The following PSD3 variants were observed in gnomAD, a reference collection of about 807,000 sequenced individuals.
The protein encoded by PSD3 is pleckstrin and Sec7 domain containing 3.
In PSD3, 49 loss-of-function variants were observed where a neutral mutation model predicts 105.5. The observed-to-expected ratio is 0.46, with a 90% confidence interval of 0.37 to 0.59. The LOEUF (loss-of-function observed/expected upper bound fraction) is 0.59. Among genes scored for constraint, PSD3 ranks in the 20% least tolerant of loss-of-function variants. The pLI is 0.00. For synonymous variants in PSD3, 557 were observed against 457.8 expected (o/e 1.22, Z -2.77); for missense variants, 1,561 against 1,263.8 (o/e 1.24, Z -3.57).
rs1810477836 is a variant in PSD3, at chr8:18,799,315, TAAG to T, written c.2059_2061del (p.Leu687del). On this transcript the variant is annotated inframe_deletion, in exon 8 of 16. Coordinates refer to ENST00000327040, the MANE Select transcript of PSD3 (RefSeq NM_015310.4). ...CTTACGTGGCCATGTAGATCGGTAT[TAAG>T]AAGCATTATTGCACAGGTAAGGCAA... 6.2e-7 allele frequency: 1 copy of T among 1,608,356 alleles called. No homozygotes were observed. The highest frequency in any genetic ancestry group is 8.5e-7 in the Non-Finnish European group (1 of 1,175,108).
rs190934592 is a variant in PSD3, at chr8:18,861,900, G to A, written c.1634+5774C>T. ...AGACCTCCCCGAGAACAAGCTGCCA[G>A]AAAAGAGGATGGCTTCACCTCTTCT... is the stretch of plus-strand genomic sequence containing the variant. On this transcript the variant is annotated intron_variant, in intron 4 of 15. Transcript: ENST00000327040. Among the ~76,000 whole-genome samples, 161 of 152,096 alleles carry A rather than the reference G, an allele frequency of 1.1e-3. 2 individuals carry two copies. Among genetic ancestry groups the A allele is most frequent in the African/African-American group, 3.8e-3 (156 of 41,472 alleles).
intron 8 of PSD3, among the ~76,000 whole-genome samples, chr8:18,773,586 T>C (rs1807753487): frequency 6.6e-6 from 1 of 152,190 alleles, no homozygotes; most frequent in Non-Finnish European, 1.5e-5. Flanking sequence ...ATAAAAAAAT[T>C]AAGTCTTCCA....
chr8:18,928,631 G>C (rs1821528331), intron 2 of PSD3, among the ~76,000 whole-genome samples: 1 of 152,094 alleles, frequency 6.6e-6, no homozygotes, highest in Non-Finnish European at 1.5e-5. Flanking sequence ...CAAATTAGTG[G>C]TTGCCTAGAA....
At position 18,989,334 on chromosome 8, in the gene PSD3, T is replaced by A. The variant is rs140348878; in HGVS notation, c.21+24229A>T. On this transcript the variant is annotated intron_variant, in intron 1 of 15. Transcript: ENST00000327040. ...TTCTTCTGCTTTCAGTCTCTTTTCA[T>A]GGGTCCTTCAGAATGAGTTTTGGAA... 73 of 152,322 alleles carry A rather than the reference T, an allele frequency of 4.8e-4. 1 individual carries two copies. The highest frequency in any genetic ancestry group is 1.7e-3 in the African/African-American group (70 of 41,570). The allele number at this position is 152,322 out of a possible 1,614,324, so 9.4% of individuals were successfully genotyped here. A position where few individuals can be genotyped will look rare whatever the true frequency, so the allele number is the denominator to read the frequency against.
chr8:18,918,037 T>A (rs147460053), intron 2 of PSD3, among the ~76,000 whole-genome samples: 1 of 152,236 alleles, frequency 6.6e-6, no homozygotes, highest in African/African-American at 2.4e-5. Context: ...ATTTCCAGAC[T>A]GATTTCCTAA....
chr8:18,595,312 G>C (rs1804010964), intron 12 of PSD3, among the ~76,000 whole-genome samples: 1 of 149,294 alleles, frequency 6.7e-6, no homozygotes, highest in Non-Finnish European at 1.5e-5. Context: ...ACTAATAAGA[G>C]TGAAGTAAAA....
chr8:18,788,727 C>G (rs1809421651), intron 8 of PSD3, among the ~76,000 whole-genome samples: 1 of 152,168 alleles, frequency 6.6e-6, no homozygotes, highest in African/African-American at 2.4e-5. Flanking sequence ...CAGGCATACT[C>G]TCCCATATGA....
At chr8:18,802,947 T>C (rs1810835898) in intron 6 of PSD3, among the ~76,000 whole-genome samples, 1 of 152,186 alleles carries the variant, frequency 6.6e-6, no homozygotes. Flanking sequence ...TATGCTGACA[T>C]TCATTTTTAT....
intron 11 of PSD3, among the ~76,000 whole-genome samples, chr8:18,601,706 C>G (rs969729190): frequency 6.6e-6 from 1 of 152,160 alleles, no homozygotes; most frequent in Admixed American, 6.5e-5. Flanking sequence ...AAAAAGCATA[C>G]CATTATTTCC....
At chr8:18,818,145 G>C (rs560661308) in intron 4 of PSD3, among the ~76,000 whole-genome samples, 4 of 152,126 alleles carry the variant, frequency 2.6e-5, no homozygotes, top group South Asian at 4.2e-4. Context: ...AGTAGAGAAG[G>C]GGTTTTGCCA....
At chr8:18,750,423 C>A (rs938925544) in intron 9 of PSD3, among the ~76,000 whole-genome samples, 1 of 151,954 alleles carries the variant, frequency 6.6e-6, no homozygotes, top group African/African-American at 2.4e-5. Flanking sequence ...TCGTTCCTCC[C>A]GGTGGGCTCG....
chr8:18,787,865 G>A (rs1050642042), intron 8 of PSD3, among the ~76,000 whole-genome samples: 1 of 152,192 alleles, frequency 6.6e-6, no homozygotes, highest in Admixed American at 6.5e-5. Flanking sequence ...GGGGAAACAA[G>A]TGTCCAAGCT....
intron 1 of PSD3, among the ~76,000 whole-genome samples, chr8:19,040,008 T>C (rs140550926): frequency 0.013 from 2,018 of 152,062 alleles, 24 homozygotes; most frequent in Middle Eastern, 0.044. Context: ...GTTAGGATGG[T>C]GTAAGGAGAT....
intron 1 of PSD3, among the ~76,000 whole-genome samples, chr8:18,969,486 C>T (rs1275809563): frequency 2.0e-5 from 3 of 152,172 alleles, no homozygotes; most frequent in Non-Finnish European, 2.9e-5. Context: ...ACAATGTATG[C>T]ATGTTTTAGG....
chr8:18,701,620 A>G (rs1456577359), intron 9 of PSD3, among the ~76,000 whole-genome samples: 3 of 152,220 alleles, frequency 2.0e-5, no homozygotes, highest in Non-Finnish European at 4.4e-5. Context: ...GGAAACAAAA[A>G]AGTGGCTTCC....
intron 1 of PSD3, among the ~76,000 whole-genome samples, chr8:19,053,133 A>G (rs334212): frequency 1 from 152,121 of 152,206 alleles, 76,018 homozygotes; most frequent in Middle Eastern, 1. Context: ...ACAGTGGTTC[A>G]CTATAAATTC....
At chr8:18,571,765 T>C (rs1676269668) in intron 14 of PSD3, among the ~76,000 whole-genome samples, 1 of 152,216 alleles carries the variant, frequency 6.6e-6, no homozygotes, top group Non-Finnish European at 1.5e-5. Context: ...CAACACTTGG[T>C]CGATCATAGT....
chr8:18,801,526 A>G (rs1586048694), intron 6 of PSD3, 144 bp from the exon 7 acceptor site: 2 of 564,076 alleles, frequency 3.5e-6, no homozygotes, highest in East Asian at 6.2e-5. Flanking sequence ...CAAAAAAATC[A>G]TTTACTAGAC....
intron 4 of PSD3, among the ~76,000 whole-genome samples, chr8:18,825,068 G>C (rs546027169): frequency 5.8e-4 from 88 of 152,250 alleles, no homozygotes; most frequent in Non-Finnish European, 1.2e-3. Context: ...TACCTAAACA[G>C]AATTTGAAAA....
Sources: gnomAD v4.1 joint callset for allele counts (sites outside exome capture counted in the v4.1 genomes callset) on GRCh38, gnomAD v4.1.1 for gene constraint, MANE v1.5 for transcripts, NCBI Gene and HGNC (gene_info 2026-07-23, HGNC 2026-07-21) for gene names.